SLC8A1: variants seen among roughly 807,000 people sequenced by gnomAD.
The protein encoded by SLC8A1 is solute carrier family 8 member A1, also known as sodium/calcium exchanger 1.
In SLC8A1, 18 loss-of-function variants were observed where a neutral mutation model predicts 68.3. That is an observed-to-expected ratio of 0.26 (90% CI 0.18 to 0.39). The LOEUF (loss-of-function observed/expected upper bound fraction) is 0.39, where lower values mean the gene tolerates loss of function less well. SLC8A1 is among the 10% of genes least tolerant of loss of function. The pLI, the probability that SLC8A1 is intolerant of heterozygous loss-of-function variation, is 1.00. For synonymous variants in SLC8A1, 475 were observed against 415.5 expected (o/e 1.14, Z -1.74); for missense variants, 985 against 1,156.7 (o/e 0.85, Z 2.15).
chr2:40,409,859 T>TGAAGGCAATATTTATTCATTATTGAAG (rs1691546512), intron 2 of SLC8A1, among the ~76,000 whole-genome samples: 1 of 152,180 alleles, frequency 6.6e-6, no homozygotes, highest in African/African-American at 2.4e-5. Context: ...ATTTCATTAC[T>TGAAGGCAATATTTATTCATTATTGAAG]GTCTGCCAAC....
chr2:40,240,125 A>C (rs978497481), intron 2 of SLC8A1, among the ~76,000 whole-genome samples: 3 of 152,206 alleles, frequency 2.0e-5, no homozygotes, highest in Admixed American at 6.5e-5. Context: ...CATTTTGTGC[A>C]CACAGTTATG....
intron 2 of SLC8A1, among the ~76,000 whole-genome samples, chr2:40,298,693 G>A (rs1418468094): frequency 4.6e-5 from 7 of 152,158 alleles, no homozygotes; most frequent in Admixed American, 4.6e-4. Flanking sequence ...CTTGTAAAAT[G>A]GTAACATACG....
intron 2 of SLC8A1, among the ~76,000 whole-genome samples, chr2:40,419,658 T>C (rs1050615879): frequency 1.1e-4 from 16 of 152,154 alleles, no homozygotes; most frequent in Non-Finnish European, 2.2e-4. Flanking sequence ...TGTGTCAAGA[T>C]TGTAATGGTT....
intron 2 of SLC8A1, among the ~76,000 whole-genome samples, chr2:40,424,780 T>A (rs764592113): frequency 6.6e-6 from 1 of 151,902 alleles, no homozygotes; most frequent in African/African-American, 2.4e-5. Flanking sequence ...ACGCTCATAA[T>A]CTTTTAAATT....
intron 2 of SLC8A1, among the ~76,000 whole-genome samples, chr2:40,200,235 T>TAA (rs2054031841): frequency 6.8e-5 from 2 of 29,388 alleles, no homozygotes; most frequent in African/African-American, 9.5e-5. Context: ...TATATATATA[T>TAA]ATAAATATAT....
chr2:40,494,435 G>C (rs1308180960), intron 1 of SLC8A1, among the ~76,000 whole-genome samples: 1 of 151,722 alleles, frequency 6.6e-6, no homozygotes, highest in South Asian at 2.1e-4. Flanking sequence ...CCAAGTCTTT[G>C]CTATTGTGAG....
chr2:40,380,427 A>G (rs1453349656), intron 2 of SLC8A1, among the ~76,000 whole-genome samples: 1 of 152,146 alleles, frequency 6.6e-6, no homozygotes, highest in Non-Finnish European at 1.5e-5. Flanking sequence ...ATGAATCTCT[A>G]TAGTCTTCAC....
At chr2:40,139,167 A>C (rs1256175175) in intron 7 of SLC8A1, among the ~76,000 whole-genome samples, 3 of 152,026 alleles carry the variant, frequency 2.0e-5, no homozygotes, top group African/African-American at 7.2e-5. Flanking sequence ...GGCCGTGGAG[A>C]CCCTCTGGGG....
exon 2 of SLC8A1, chr2:40,428,783 C>T (rs1176657952): frequency 4.3e-6 from 7 of 1,613,708 alleles, no homozygotes; most frequent in South Asian, 1.1e-5. Flanking sequence ...TCAGAAGATA[C>T]TTTGACATTG....
At chr2:40,348,524 G>C (rs1029917082) in intron 2 of SLC8A1, among the ~76,000 whole-genome samples, 1 of 152,072 alleles carries the variant, frequency 6.6e-6, no homozygotes, top group Non-Finnish European at 1.5e-5. Context: ...ATAAATCTGC[G>C]CAAGAAACAT....
At chr2:40,502,315 C>T (rs186954875) in intron 1 of SLC8A1, among the ~76,000 whole-genome samples, 2 of 152,062 alleles carry the variant, frequency 1.3e-5, no homozygotes, top group Non-Finnish European at 2.9e-5. Context: ...TCTTCCCTCT[C>T]AGGTTTGCGG....
chr2:40,227,173 T>A (rs2059087503), intron 2 of SLC8A1, among the ~76,000 whole-genome samples: 1 of 152,170 alleles, frequency 6.6e-6, no homozygotes, highest in African/African-American at 2.4e-5. Flanking sequence ...ATTCAACATT[T>A]AAGTTTGTAC....
At chr2:40,108,224 G>C (rs2034332934) in exon 8 of SLC8A1, 1 of 152,182 alleles carries the variant, frequency 6.6e-6, no homozygotes, top group Non-Finnish European at 1.5e-5. Flanking sequence ...ATTTTAATGA[G>C]ATACCTGTAC....
At chr2:40,391,071 A>G (rs1685082888) in intron 2 of SLC8A1, among the ~76,000 whole-genome samples, 1 of 151,652 alleles carries the variant, frequency 6.6e-6, no homozygotes, top group South Asian at 2.1e-4. Context: ...ATTTTTTCTA[A>G]CTTGAAAAAT....
intron 2 of SLC8A1, among the ~76,000 whole-genome samples, chr2:40,224,599 C>G (rs1322851267): frequency 6.6e-6 from 1 of 152,114 alleles, no homozygotes; most frequent in Non-Finnish European, 1.5e-5. Flanking sequence ...TAATTGCCTA[C>G]CTGTTTCAAC....
chr2:40,299,864 G>A (rs560048298), intron 2 of SLC8A1, among the ~76,000 whole-genome samples: 53 of 152,300 alleles, frequency 3.5e-4, no homozygotes, highest in African/African-American at 8.9e-4. Context: ...TTAGAGTTGT[G>A]TTGACAAAAT....
intron 2 of SLC8A1, among the ~76,000 whole-genome samples, chr2:40,207,055 A>C (rs1308556131): frequency 6.6e-6 from 1 of 152,116 alleles, no homozygotes; most frequent in Non-Finnish European, 1.5e-5. Flanking sequence ...AATCTATTTA[A>C]TTAAGACCAA....
intron 1 of SLC8A1, among the ~76,000 whole-genome samples, chr2:40,489,293 C>T (rs898303888): frequency 1.3e-5 from 2 of 152,036 alleles, no homozygotes; most frequent in African/African-American, 4.8e-5. Flanking sequence ...CAAATTTTGC[C>T]AGGCTTAAAT....
intron 2 of SLC8A1, among the ~76,000 whole-genome samples, chr2:40,368,356 C>A (rs540427185): frequency 1.2e-4 from 18 of 152,010 alleles, no homozygotes; most frequent in African/African-American, 4.3e-4. Context: ...TCTTTAGTAA[C>A]CCTACCAAAA....
Sources: allele counts gnomAD v4.1 joint callset (sites outside exome capture counted in the v4.1 genomes callset), GRCh38; gene constraint gnomAD v4.1.1; transcripts MANE v1.5; gene names NCBI Gene and HGNC (gene_info 2026-07-23, HGNC 2026-07-21).